SPATA9: variants seen among roughly 807,000 people sequenced by gnomAD.
SPATA9 encodes spermatogenesis-associated protein 9.
SPATA9 carries 27 observed loss-of-function variants against 25.5 expected under a neutral mutation model. The ratio of observed to expected loss-of-function variants is 1.06; its 90% CI spans 0.78 to 1.46. The LOEUF (loss-of-function observed/expected upper bound fraction) is 1.46. Among genes scored for constraint, SPATA9 ranks in the 40% most tolerant of loss-of-function variants. The pLI is 0.00. For missense variants in SPATA9, 282 were observed against 297.5 expected (o/e 0.95, Z 0.38); for synonymous variants, 102 against 105.7 (o/e 0.97, Z 0.21).
At chr5:95,706,025 A>G in the SPATA9 span, among the ~76,000 whole-genome samples, 2 of 152,238 alleles carry the variant, frequency 1.3e-5, no homozygotes, top group East Asian at 1.9e-4. Flanking sequence ...TTGGGGTTCA[A>G]CAATTCCTAA....
At chr5:95,719,208 G>A in the SPATA9 span, among the ~76,000 whole-genome samples, 2 of 152,142 alleles carry the variant, frequency 1.3e-5, no homozygotes, top group African/African-American at 2.4e-5. Context: ...TGGTTGACTG[G>A]GAGGTTGCTA....
chr5:95,658,283 C>T (rs2112536369), downstream of SPATA9: 2 of 164,396 alleles, frequency 1.2e-5, no homozygotes, highest in Admixed American at 1.2e-4. Context: ...TTTTTTCCTC[C>T]CAAGTAAAGA....
intron 3 of SPATA9, 128 bp downstream of exon 3, chr5:95,675,284 C>T: frequency 1.3e-6 from 1 of 750,058 alleles, no homozygotes; most frequent in East Asian, 2.7e-5. Context: ...CCCAACCATT[C>T]ATTTCTCTTA....
chr5:95,669,180 T>A (rs1561401524), intron 3 of SPATA9, among the ~76,000 whole-genome samples: 1 of 152,230 alleles, frequency 6.6e-6, no homozygotes, highest in Non-Finnish European at 1.5e-5. Flanking sequence ...TTAAACAAGC[T>A]TTTAATCCGG....
At chr5:95,731,661 C>T in the SPATA9 span, 2 of 1,613,252 alleles carry the variant, frequency 1.2e-6, no homozygotes, top group South Asian at 1.1e-5. Context: ...CGAGTCGCCG[C>T]CCTGCCCTTG....
At chr5:95,731,564 G>T in the SPATA9 span, 7 of 1,489,986 alleles carry the variant, frequency 4.7e-6, 1 homozygote, top group South Asian at 9.2e-5. Context: ...GTGGAGGCGC[G>T]CGAGGGGGAC....
chr5:95,720,452 A>G, the SPATA9 span, among the ~76,000 whole-genome samples: 1 of 152,250 alleles, frequency 6.6e-6, no homozygotes, highest in African/African-American at 2.4e-5. Context: ...AGTTAATAAA[A>G]TGCACTGGTT....
intron 1 of SPATA9, among the ~76,000 whole-genome samples, chr5:95,694,948 A>G (rs1753978612): frequency 6.6e-6 from 1 of 152,176 alleles, no homozygotes; most frequent in Non-Finnish European, 1.5e-5. Flanking sequence ...ATATAATAAA[A>G]TCACTAATTA....
At chr5:95,712,967 A>G in the SPATA9 span, among the ~76,000 whole-genome samples, 1 of 152,144 alleles carries the variant, frequency 6.6e-6, no homozygotes, top group Non-Finnish European at 1.5e-5. Context: ...CTGCATTCCA[A>G]GAGATTTTAT....
chr5:95,669,758 G>A (rs926063082), intron 3 of SPATA9, among the ~76,000 whole-genome samples: 4 of 152,052 alleles, frequency 2.6e-5, no homozygotes, highest in African/African-American at 7.3e-5. Context: ...GAGCAGCTGC[G>A]GACTCAACTC....
At chr5:95,715,376 T>G in the SPATA9 span, among the ~76,000 whole-genome samples, 2 of 151,808 alleles carry the variant, frequency 1.3e-5, no homozygotes, top group South Asian at 4.1e-4. Flanking sequence ...CAAGACATAT[T>G]TTTCAAAGGT....
the SPATA9 span, chr5:95,708,872 G>T: frequency 2.0e-6 from 1 of 493,306 alleles, no homozygotes; most frequent in East Asian, 4.0e-5. Context: ...GAGTAGGAAG[G>T]CACGGAGGAC....
chr5:95,663,151 A>G (rs1447209470), intron 4 of SPATA9, among the ~76,000 whole-genome samples: 6 of 152,228 alleles, frequency 3.9e-5, no homozygotes, highest in Non-Finnish European at 8.8e-5. Context: ...GGATAAATAA[A>G]TGTTGATACA....
chr5:95,721,100 T>C, the SPATA9 span, among the ~76,000 whole-genome samples: 40 of 152,298 alleles, frequency 2.6e-4, no homozygotes, highest in Non-Finnish European at 4.3e-4. Context: ...ACACTATGAC[T>C]TAAAGGCAAA....
In SPATA9 at chr5:95,678,117, C is replaced by T. The variant is rs150605067; in HGVS notation, c.151-2478G>A. 1.3e-3 allele frequency among the ~76,000 whole-genome samples: 199 copies of T among 152,324 alleles called. 5 individuals carry two copies. The East Asian group carries it at 0.024, about 18-fold the overall frequency. On this transcript the variant is annotated intron_variant, in intron 2 of 4. Coordinates refer to ENST00000274432, the MANE Select transcript of SPATA9 (RefSeq NM_031952.4). ...TCTGGCCAGGCACCATGGCTCACAC[C>T]TGTAATCCCAGCACTTTGGGAGGCC...
chr5:95,706,676 C>A, the SPATA9 span, among the ~76,000 whole-genome samples: 1 of 151,366 alleles, frequency 6.6e-6, no homozygotes, highest in Non-Finnish European at 1.5e-5. Context: ...TCATTCCTTT[C>A]ATCATTTAAG....
At chr5:95,722,260 T>A in the SPATA9 span, among the ~76,000 whole-genome samples, 1 of 152,116 alleles carries the variant, frequency 6.6e-6, no homozygotes, top group Non-Finnish European at 1.5e-5. Flanking sequence ...ATGAGCCAAA[T>A]TATAGCAATA....
intron 2 of SPATA9, among the ~76,000 whole-genome samples, chr5:95,679,165 C>T (rs1385305588): frequency 6.6e-6 from 1 of 152,012 alleles, no homozygotes; most frequent in East Asian, 1.9e-4. Flanking sequence ...TAAATAAAAC[C>T]CCAGTTTCTC....
At chr5:95,687,296 A>G (rs1753773382), upstream of SPATA9, among the ~76,000 whole-genome samples, 1 of 152,170 alleles carries the variant, frequency 6.6e-6, no homozygotes. Flanking sequence ...TATTCTTGTG[A>G]TCCCACTTTC....
Sources: allele counts gnomAD v4.1 joint callset (sites outside exome capture counted in the v4.1 genomes callset), GRCh38; gene constraint gnomAD v4.1.1; transcripts MANE v1.5; gene names NCBI Gene and HGNC (gene_info 2026-07-23, HGNC 2026-07-21).